The following PTPRD variants were observed in gnomAD, a reference collection of about 807,000 sequenced individuals.
The protein encoded by PTPRD is protein tyrosine phosphatase receptor type D, also known as receptor-type tyrosine-protein phosphatase delta.
PTPRD carries 34 observed loss-of-function variants against 214.5 expected under a neutral mutation model. That is an observed-to-expected ratio of 0.16 (90% CI 0.12 to 0.21). The LOEUF is 0.21. Ranked by LOEUF, PTPRD falls within the 10% of genes least tolerant of loss-of-function variation. PTPRD has a pLI of 1.00. For missense variants in PTPRD, 2,545 were observed against 2,398.7 expected (o/e 1.06, Z -1.27); for synonymous variants, 1,128 against 845.7 (o/e 1.33, Z -5.79).
intron 27 of PTPRD, among the ~76,000 whole-genome samples, chr9:8,489,538 C>A (rs2097105941): frequency 6.6e-6 from 1 of 152,162 alleles, no homozygotes; most frequent in Non-Finnish European, 1.5e-5. Flanking sequence ...AATGCTTATG[C>A]AGCTTGGGGA....
intron 5 of PTPRD, among the ~76,000 whole-genome samples, chr9:9,818,044 T>C (rs937136276): frequency 3.9e-5 from 6 of 152,292 alleles, no homozygotes; most frequent in Non-Finnish European, 5.9e-5. Context: ...GTATGTAACT[T>C]TGGTTCTCTC....
intron 11 of PTPRD, among the ~76,000 whole-genome samples, chr9:8,945,412 T>C (rs966421413): frequency 3.9e-5 from 6 of 152,094 alleles, no homozygotes; most frequent in Non-Finnish European, 7.4e-5. Flanking sequence ...TTTCCGTTTT[T>C]ACTCTATTTC....
intron 3 of PTPRD, among the ~76,000 whole-genome samples, chr9:10,152,280 T>C (rs142878508): frequency 2.0e-5 from 3 of 152,320 alleles, no homozygotes; most frequent in Non-Finnish European, 4.4e-5. Context: ...AAAAATAATT[T>C]TGAATATCTT....
At chr9:10,450,980 C>T (rs997622117) in intron 2 of PTPRD, among the ~76,000 whole-genome samples, 1 of 151,922 alleles carries the variant, frequency 6.6e-6, no homozygotes, top group Non-Finnish European at 1.5e-5. Flanking sequence ...TGCTAGCAAT[C>T]CTACATGTAA....
chr9:9,654,619 G>C (rs2096462031), intron 7 of PTPRD, among the ~76,000 whole-genome samples: 1 of 152,130 alleles, frequency 6.6e-6, no homozygotes. Context: ...AATATTATTT[G>C]TAGGAACATT....
chr9:10,524,078 C>T (rs1458632992), intron 2 of PTPRD, among the ~76,000 whole-genome samples: 1 of 151,968 alleles, frequency 6.6e-6, no homozygotes, highest in Non-Finnish European at 1.5e-5. Context: ...GTGAACTTTC[C>T]TTGGTACACG....
intron 8 of PTPRD, among the ~76,000 whole-genome samples, chr9:9,556,528 T>C (rs976368640): frequency 1.3e-5 from 2 of 152,228 alleles, no homozygotes; most frequent in African/African-American, 4.8e-5. Context: ...TCAATTGTGT[T>C]TCACACTTTG....
intron 6 of PTPRD, among the ~76,000 whole-genome samples, chr9:9,749,477 A>C (rs1442275684): frequency 6.6e-6 from 1 of 152,102 alleles, no homozygotes; most frequent in Non-Finnish European, 1.5e-5. Flanking sequence ...GATCCCCTAA[A>C]CCCTAAGAGC....
chr9:8,781,672 GA>G (rs2095704446), intron 11 of PTPRD, among the ~76,000 whole-genome samples: 1 of 152,088 alleles, frequency 6.6e-6, no homozygotes, highest in African/African-American at 2.4e-5. Context: ...TTAATGAAAT[GA>G]AATGAATTCC....
intron 5 of PTPRD, among the ~76,000 whole-genome samples, chr9:9,918,078 A>T (rs2081443551): frequency 6.6e-6 from 1 of 152,020 alleles, no homozygotes; most frequent in Admixed American, 6.6e-5. Context: ...CAAGAGAAAG[A>T]AAAGGAATAC....
intron 8 of PTPRD, among the ~76,000 whole-genome samples, chr9:9,443,850 G>A (rs1467948133): frequency 6.6e-6 from 1 of 152,204 alleles, no homozygotes; most frequent in East Asian, 1.9e-4. Flanking sequence ...TAAGTTTACA[G>A]TGTATTGTTA....
chr9:9,960,966 A>G (rs2094322392), intron 4 of PTPRD, among the ~76,000 whole-genome samples: 1 of 152,122 alleles, frequency 6.6e-6, no homozygotes, highest in East Asian at 1.9e-4. Context: ...ATTTACAAGA[A>G]AAAAACAAAC....
intron 12 of PTPRD, among the ~76,000 whole-genome samples, chr9:8,718,543 C>G (rs1335833474): frequency 2.0e-5 from 3 of 152,036 alleles, no homozygotes; most frequent in Non-Finnish European, 4.4e-5. Flanking sequence ...CTGTGGGGCT[C>G]TCACTCTTTC....
Position 10,527,706 on chromosome 9 carries a change from G to C in PTPRD, c.-600+84692C>G, listed in dbSNP as rs2054737476. ...TAATCACCATAAGAAGATTCACACT[G>C]ATAATTCCGTTAACACTAACTAGAA... On this transcript the variant is annotated intron_variant, in intron 2 of 45. Transcript: ENST00000381196. 1.3e-5 allele frequency among the ~76,000 whole-genome samples: 2 copies of C among 152,084 alleles called. 1 individual carries two copies. The highest frequency in any genetic ancestry group is 4.1e-4 in the South Asian group (2 of 4,824).
chr9:9,693,486 G>C (rs1279612431), intron 7 of PTPRD, among the ~76,000 whole-genome samples: 2 of 152,048 alleles, frequency 1.3e-5, no homozygotes, highest in Non-Finnish European at 2.9e-5. Context: ...TCATTTAAAT[G>C]TCTTTTCTTT....
intron 4 of PTPRD, among the ~76,000 whole-genome samples, chr9:9,939,391 T>A (rs2090718485): frequency 6.6e-6 from 1 of 152,172 alleles, no homozygotes; most frequent in East Asian, 1.9e-4. Context: ...GTAGCAGTCT[T>A]CTTGTGGCTT....
chr9:9,895,121 G>A (rs765561301), intron 5 of PTPRD, among the ~76,000 whole-genome samples: 2 of 152,026 alleles, frequency 1.3e-5, no homozygotes, highest in East Asian at 1.9e-4. Context: ...TTGGCTGGTT[G>A]TAAGACTATA....
intron 3 of PTPRD, among the ~76,000 whole-genome samples, chr9:10,252,087 G>C (rs948720881): frequency 1.3e-5 from 2 of 151,978 alleles, no homozygotes; most frequent in African/African-American, 4.8e-5. Context: ...ACATCATTTT[G>C]TACCCCACAG....
chr9:9,244,075 G>A (rs978546081), intron 9 of PTPRD, among the ~76,000 whole-genome samples: 1 of 152,058 alleles, frequency 6.6e-6, no homozygotes, highest in Non-Finnish European at 1.5e-5. Flanking sequence ...AATCCAATTT[G>A]CAAGGGATGT....
Sources: gnomAD v4.1 joint callset for allele counts (sites outside exome capture counted in the v4.1 genomes callset) on GRCh38, gnomAD v4.1.1 for gene constraint, MANE v1.5 for transcripts, NCBI Gene and HGNC (gene_info 2026-07-23, HGNC 2026-07-21) for gene names.